LAMB4: variants seen among roughly 807,000 people sequenced by gnomAD.
The protein encoded by LAMB4 is laminin subunit beta 4.
In LAMB4, 196 loss-of-function variants were observed where a neutral mutation model predicts 199.2. The observed-to-expected ratio is 0.98, with a 90% CI of 0.88 to 1.11. The LOEUF (loss-of-function observed/expected upper bound fraction) is 1.11, where lower values mean the gene tolerates loss of function less well. Ranked by LOEUF, LAMB4 falls within the 50% of genes least tolerant of loss-of-function variation. The probability of loss-of-function intolerance (pLI) is 0.00; values close to 1 mark genes in which losing one functional copy is unlikely to be tolerated. For synonymous variants in LAMB4, 744 were observed against 770.6 expected, an observed-to-expected ratio of 0.97 and a Z score of 0.57; for missense variants, 2,080 against 2,171.2, an observed-to-expected ratio of 0.96 and a Z score of 0.83.
chr7:108,111,688 T>C, intron 4 of LAMB4, 123 bp downstream of exon 4: 1 of 776,736 alleles, frequency 1.3e-6, no homozygotes, highest in Non-Finnish European at 2.1e-6. Flanking sequence ...TCTACATTCT[T>C]GGAGGATACT....
At chr7:108,068,875 G>A (rs2150559625) in intron 18 of LAMB4, among the ~76,000 whole-genome samples, 1 of 151,986 alleles carries the variant, frequency 6.6e-6, no homozygotes, top group East Asian at 1.9e-4. Flanking sequence ...TAGTAAAGAT[G>A]GTGTTTCACC....
rs2036730812 is a variant in LAMB4 at position 108,077,067 on chromosome 7, G to A, written c.2004-3C>T. 2 of 1,611,918 alleles carry A rather than the reference G, an allele frequency of 1.2e-6. No individual in the cohort carries two copies. The highest frequency in any genetic ancestry group is 2.2e-5 in the South Asian group (2 of 90,754). On this transcript the variant is annotated splice_region_variant and splice_polypyrimidine_tract_variant and intron_variant, in intron 16 of 33. Transcript: ENST00000388781. ...TGGGTGTGGGAAGCAGCATGATTCT[G>A]TATTAAGAAAGATAAAGCAAAAATT...
chr7:108,028,068 G>A (rs1461172838), intron 33 of LAMB4, among the ~76,000 whole-genome samples: 1 of 152,152 alleles, frequency 6.6e-6, no homozygotes, highest in African/African-American at 2.4e-5. Context: ...ACAGGTGTGA[G>A]CCACCGCGCC....
chr7:108,024,316 C>A (rs1030931300), intron 33 of LAMB4, 138 bp from the exon 34 acceptor site: 4 of 466,078 alleles, frequency 8.6e-6, no homozygotes, highest in African/African-American at 8.1e-5. Context: ...ATGGATAAAT[C>A]ATCTATTTTC....
At chr7:108,130,166 C>T (rs1210495639) in intron 1 of LAMB4, 140 bp downstream of exon 1, 1 of 152,178 alleles carries the variant, frequency 6.6e-6, no homozygotes, top group Non-Finnish European at 1.5e-5. Context: ...GACTATCATT[C>T]TGTAAAAGTA....
At chr7:108,086,405 G>T (rs1472585326) in intron 14 of LAMB4, among the ~76,000 whole-genome samples, 4 of 151,906 alleles carry the variant, frequency 2.6e-5, no homozygotes, top group African/African-American at 9.7e-5. Flanking sequence ...CTGCTTCCAG[G>T]AACCCAATCT....
chr7:108,037,384 T>G lies in LAMB4; in HGVS notation c.4679+4A>C, dbSNP rs1487213828. 6.2e-7 allele frequency: 1 copy of G among 1,608,314 alleles called. No homozygotes were observed. Among genetic ancestry groups the G allele is most frequent in the Non-Finnish European group, 8.5e-7 (1 of 1,174,916 alleles). ...CAAGATAAGAATATTAATACAGTAC[T>G]TACTCAGCTGCTTTGGCCTTCACCA... On this transcript the variant is annotated splice_donor_region_variant and intron_variant, in intron 30 of 33. Transcript: ENST00000388781.
chr7:108,014,370 G>T, the LAMB4 span, among the ~76,000 whole-genome samples: 1 of 152,208 alleles, frequency 6.6e-6, no homozygotes, highest in Non-Finnish European at 1.5e-5. Context: ...TGGATGCAAT[G>T]TTACAGTAGC....
intron 27 of LAMB4, 51 bp from the exon 28 acceptor site, chr7:108,048,162 T>C: frequency 1.9e-6 from 2 of 1,067,806 alleles, no homozygotes; most frequent in South Asian, 1.9e-5. Context: ...TCAGAGCTTT[T>C]TTTTTTTTTT....
chr7:108,026,212 A>G (rs2034832248), intron 33 of LAMB4, among the ~76,000 whole-genome samples: 1 of 152,124 alleles, frequency 6.6e-6, no homozygotes, highest in African/African-American at 2.4e-5. Context: ...ATTCTTGTGC[A>G]TTCTTTGTAG....
intron 32 of LAMB4, 55 bp from the exon 33 acceptor site, chr7:108,029,251 A>G (rs1263524566): frequency 6.9e-7 from 1 of 1,445,284 alleles, no homozygotes; most frequent in Non-Finnish European, 9.5e-7. Flanking sequence ...ATGTACATAT[A>G]TGCATGATGA....
rs200413761 is a variant in LAMB4 at position 108,103,087 on chromosome 7, G to A, written c.1137C>T (p.Tyr379=). ...QHCDRCRPLF[Y]RDPLKTISDP... ...CTGAGATGGTCTTGAGCGGGTCCCT[G>A]TAGAAGAGGGGTCTGCAGCGGTCGC... The change falls in exon 10 of 34, where the codon TAC becomes TAT. Residue 379 remains tyrosine (Y), a synonymous_variant. Coordinates refer to ENST00000388781, the MANE Select transcript of LAMB4 (RefSeq NM_007356.3). 1.7e-5 allele frequency: 27 copies of A among 1,612,388 alleles called. No homozygotes were observed. Among genetic ancestry groups the A allele is most frequent in the Non-Finnish European group, 2.3e-5 (27 of 1,178,734 alleles).
chr7:108,123,706 C>T (rs1483492676), intron 1 of LAMB4, among the ~76,000 whole-genome samples: 1 of 152,222 alleles, frequency 6.6e-6, no homozygotes, highest in African/African-American at 2.4e-5. Flanking sequence ...TTCTTCCATA[C>T]TTTTTCCTTG....
At chr7:108,031,348 G>GAAAAAAAAA (rs1225770663) in intron 31 of LAMB4, among the ~76,000 whole-genome samples, 1 of 29,630 alleles carries the variant, frequency 3.4e-5, no homozygotes, top group African/African-American at 1.6e-4. Flanking sequence ...AAAAAAAAAA[G>GAAAAAAAAA]AAAAAAAAGA....
Position 108,030,903 on chromosome 7 carries a change from G to C in LAMB4, c.4895C>G (p.Ser1632Cys). The C allele has an allele frequency of 6.2e-7, 1 of 1,614,048 alleles. No individual in the cohort carries two copies. The highest frequency in any genetic ancestry group is 1.7e-5 in the Admixed American group (1 of 60,002). Residue 1632 changes from serine to cysteine, a missense_variant, in exon 32 of 34, where the codon TCC becomes TGC. Transcript: ENST00000388781. ...CCTTTGCAACTTGGTCTGCAGCAGG[G>C]AAAGTCCATCCTCCAGCCCTGATCG... ...KQRSGLEDGL[S>C]LLQTKLQRHQ... is the part of the protein sequence containing the mutation.
intron 3 of LAMB4, among the ~76,000 whole-genome samples, chr7:108,114,157 T>C (rs1447205136): frequency 6.6e-6 from 1 of 152,204 alleles, no homozygotes; most frequent in Non-Finnish European, 1.5e-5. Flanking sequence ...TGGCGGTGGC[T>C]CATGCCTGTA....
chr7:108,062,400 T>A (rs916659156), intron 23 of LAMB4: 3 of 154,856 alleles, frequency 1.9e-5, no homozygotes, highest in African/African-American at 7.2e-5. Flanking sequence ...ACTTGTGGGT[T>A]TTGAAGGTAT....
At position 108,030,861 on chromosome 7, in the gene LAMB4, A is replaced by G; in HGVS notation, c.4937T>C (p.Val1646Ala). The G allele has an allele frequency of 6.2e-7, 1 of 1,614,152 alleles. No homozygotes were observed. The highest frequency in any genetic ancestry group is 1.1e-5 in the South Asian group (1 of 91,082). ...TKLQRHQDHA[V>A]NAKVQAESAQ... ...AGATTCAGCCTGAACTTTCGCATTG[A>G]CAGCGTGGTCTTGATGCCTTTGCAA... Residue 1646 changes from valine to alanine, a missense_variant, in exon 32 of 34, where the codon GTC (valine) becomes GCC (alanine). By Grantham distance (64) the Val-to-Ala change is moderately conservative. Transcript: ENST00000388781.
chr7:108,080,320 C>T (rs1474493660), intron 14 of LAMB4, among the ~76,000 whole-genome samples: 1 of 152,140 alleles, frequency 6.6e-6, no homozygotes, highest in Non-Finnish European at 1.5e-5. Context: ...CTGACGGTCT[C>T]TATACTGGAT....
Sources: gnomAD v4.1 joint callset for allele counts (sites outside exome capture counted in the v4.1 genomes callset) on GRCh38, gnomAD v4.1.1 for gene constraint, MANE v1.5 for transcripts, NCBI Gene and HGNC (gene_info 2026-07-23, HGNC 2026-07-21) for gene names.